The following TOR1AIP2 variants were observed in gnomAD, a reference collection of about 807,000 sequenced individuals.
TOR1AIP2 encodes torsin 1A interacting protein 2, also known as torsin-1A-interacting protein 2.
TOR1AIP2 carries 20 observed loss-of-function variants against 32.6 expected under a neutral mutation model. The ratio of observed to expected loss-of-function variants is 0.61; its 90% confidence interval spans 0.43 to 0.89. TOR1AIP2 has a LOEUF of 0.89. TOR1AIP2 is among the 40% of genes least tolerant of loss of function. The probability of loss-of-function intolerance (pLI) is 0.00; values close to 1 mark genes in which losing one functional copy is unlikely to be tolerated. For synonymous variants in TOR1AIP2, 214 were observed against 210.8 expected, an observed-to-expected ratio of 1.02 and a Z score of -0.13; for missense variants, 456 against 553.8, an observed-to-expected ratio of 0.82 and a Z score of 1.77.
At position 179,844,482 on chromosome 1, in the gene TOR1AIP2, C is replaced by A. The variant is rs1695827689; in HGVS notation, c.*1589G>T. The A allele has an allele frequency of 6.6e-6, 1 of 152,158 alleles. No individual in the cohort carries two copies. Among genetic ancestry groups the A allele is most frequent in the Non-Finnish European group, 1.5e-5 (1 of 68,030 alleles). The allele number at this position is 152,158 out of a possible 1,614,324, so 9.4% of individuals were successfully genotyped here. Reference sequence around the variant, plus strand: ...GAGGCCAAAACCCAGTTGAAATAATCCAGGATTATGGTAATAGTCTATATA... The same window carrying A: ...GAGGCCAAAACCCAGTTGAAATAATACAGGATTATGGTAATAGTCTATATA... On this transcript the variant is annotated 3_prime_UTR_variant, in exon 7 of 7. Coordinates refer to ENST00000609928, the MANE Select transcript of TOR1AIP2 (RefSeq NM_001199260.2).
At chr1:179,850,324 AT>A (rs1215564703) in intron 5 of TOR1AIP2, among the ~76,000 whole-genome samples, 2 of 152,234 alleles carry the variant, frequency 1.3e-5, no homozygotes, top group African/African-American at 4.8e-5. Context: ...TCCTCTTAAC[AT>A]ATAGGCAGAA....
At position 179,843,056 on chromosome 1, in the gene TOR1AIP2, A is replaced by G. The variant is rs1695775782; in HGVS notation, c.*3015T>C. 6.6e-6 allele frequency: 1 copy of G among 151,056 alleles called. No individual in the cohort carries two copies. The allele number at this position is 151,056 out of a possible 1,614,324, so 9.4% of individuals were successfully genotyped here. A position where few individuals can be genotyped will look rare whatever the true frequency, so the allele number is the denominator to read the frequency against. The stretch of plus-strand genomic sequence containing the variant: ...AGAGCAAGACTCCATCTCAAAAAAA[A>G]AAAAAAAAAAAAAAGTATAGAACAA... On this transcript the variant is annotated 3_prime_UTR_variant, in exon 7 of 7. Coordinates refer to ENST00000609928, the MANE Select transcript of TOR1AIP2 (RefSeq NM_001199260.2).
At chr1:179,870,210 C>T (rs1189410552) in intron 2 of TOR1AIP2, among the ~76,000 whole-genome samples, 2 of 152,042 alleles carry the variant, frequency 1.3e-5, no homozygotes, top group African/African-American at 2.4e-5. Flanking sequence ...TCCTGGCTAA[C>T]ACATGGTGAA....
rs776088089 is a variant in TOR1AIP2, at chr1:179,846,410, G to A, written c.1074C>T (p.Gly358=). Reference sequence around the variant, plus strand: ...AGTGGTGTACCACAGCAGCCTTCTGGCCATTCTCAAACCCATAGCTCAGCT... The same window carrying A: ...AGTGGTGTACCACAGCAGCCTTCTGACCATTCTCAAACCCATAGCTCAGCT... ...DLELSYGFEN[G]QKAAVVHHFE... The change falls in exon 7 of 7, where the codon GGC becomes GGT. Residue 358 remains glycine (G), a synonymous_variant. Transcript: ENST00000609928. The A allele has an allele frequency of 3.7e-6, 6 of 1,614,164 alleles. No homozygotes were observed. The South Asian group carries it at 5.5e-5, about 15-fold the overall frequency.
intron 5 of TOR1AIP2, among the ~76,000 whole-genome samples, chr1:179,849,846 G>A (rs190847934): frequency 8.5e-4 from 129 of 152,350 alleles, no homozygotes; most frequent in African/African-American, 2.9e-3. Context: ...CTATGTGCCA[G>A]GTGCCAGAGA....
rs1209047911 is a variant in TOR1AIP2 at position 179,850,096 on chromosome 1, ACAATC to A, written c.553+744_553+748del. Among the ~76,000 whole-genome samples the A allele has an allele frequency of 1.5e-3, 224 of 152,312 alleles. 1 individual carries two copies. Among genetic ancestry groups the A allele is most frequent in the African/African-American group, 5.3e-3 (220 of 41,556 alleles). Reference sequence around the variant, plus strand: ...GCTTATAAAATACAAACCCACACAGACAATCACAGAAGGTGAAAGTTAGAAGAATG... The same window carrying A: ...GCTTATAAAATACAAACCCACACAGAACAGAAGGTGAAAGTTAGAAGAATG... On this transcript the variant is annotated intron_variant, in intron 5 of 6. Transcript: ENST00000609928.
chr1:179,862,466 G>C, intron 3 of TOR1AIP2: 1 of 985,384 alleles, frequency 1.0e-6, no homozygotes, highest in Non-Finnish European at 1.2e-6. Flanking sequence ...AGTTTATTCA[G>C]CAATATAACA....
intron 3 of TOR1AIP2, chr1:179,860,161 C>T (rs1288030816): frequency 3.0e-6 from 3 of 985,200 alleles, no homozygotes; most frequent in Non-Finnish European, 3.6e-6. Context: ...ATAATTCAGC[C>T]ATCAGTTCAA....
At chr1:179,863,378 G>A in intron 3 of TOR1AIP2, 1 of 985,218 alleles carries the variant, frequency 1.0e-6, no homozygotes, top group Non-Finnish European at 1.2e-6. Flanking sequence ...AATTTGCTAG[G>A]GATTTTTGGG....
At chr1:179,860,392 G>T in intron 3 of TOR1AIP2, 1 of 866,680 alleles carries the variant, frequency 1.2e-6, no homozygotes, top group Non-Finnish European at 1.4e-6. Context: ...TGAAGTGGGA[G>T]GATCACTTGA....
In TOR1AIP2 at chr1:179,855,110, GATTAAAGACCTAA is replaced by G. The variant is rs1383200207; in HGVS notation, c.-146-2312_-146-2300del. Among the ~76,000 whole-genome samples the G allele has an allele frequency of 2.6e-5, 4 of 152,096 alleles. No homozygotes were observed. In the South Asian group the frequency reaches 8.3e-4, roughly 32 times the overall value. ...CCTATTCATATAAAAATCAACTCCA[GATTAAAGACCTAA>G]ATGTAAACAGCAAAACTTTTAAACT... On this transcript the variant is annotated intron_variant, in intron 3 of 6. Transcript: ENST00000609928.
intron 2 of TOR1AIP2, among the ~76,000 whole-genome samples, chr1:179,876,888 T>G (rs1647358629): frequency 6.6e-6 from 1 of 152,064 alleles, no homozygotes; most frequent in South Asian, 2.1e-4. Flanking sequence ...AACTTTTTCA[T>G]CAGGTATTAA....
intron 3 of TOR1AIP2, chr1:179,859,129 TGAA>T (rs778677654): frequency 5.8e-4 from 576 of 985,092 alleles, no homozygotes; most frequent in Non-Finnish European, 6.4e-4. Context: ...ATCTTGGCCC[TGAA>T]ACAAGTAGTT....
chr1:179,867,983 A>T (rs2148453075), intron 2 of TOR1AIP2: 1 of 152,312 alleles, frequency 6.6e-6, no homozygotes, highest in South Asian at 2.1e-4. Context: ...CTCATTCTTT[A>T]GCCTTAGAGC....
At chr1:179,847,977 G>A (rs1695975335) in intron 5 of TOR1AIP2, among the ~76,000 whole-genome samples, 1 of 149,288 alleles carries the variant, frequency 6.7e-6, no homozygotes, top group Non-Finnish European at 1.5e-5. Flanking sequence ...AGGTTGCAGT[G>A]AGCCGACATC....
chr1:179,847,636 T>A lies in TOR1AIP2; in HGVS notation c.554A>T (p.Glu185Val). Residue 185 changes from glutamate (E) to valine (V), a missense_variant and splice_region_variant, in exon 6 of 7, where the codon GAG (glutamate) becomes GTG (valine). By Grantham distance (121) the Glu-to-Val change is moderately radical (BLOSUM62 -2). Coordinates refer to ENST00000609928, the MANE Select transcript of TOR1AIP2 (RefSeq NM_001199260.2). ...TGTTTGTTGTGGATGACTTCCAGCC[T>A]CTGGAGAGGAAAAGAATCAATATTA... Reference protein sequence around the residue: ...DTLRRRLLAPEAGSHPQQTQK... With the variant: ...DTLRRRLLAPVAGSHPQQTQK... 6.3e-7 allele frequency: 1 copy of A among 1,593,480 alleles called. No homozygotes were observed. The highest frequency in any genetic ancestry group is 1.1e-5 in the South Asian group (1 of 90,660).
chr1:179,868,483 G>A (rs1218770645), intron 2 of TOR1AIP2: 9 of 152,028 alleles, frequency 5.9e-5, no homozygotes, highest in Non-Finnish European at 1.0e-4. Flanking sequence ...ATCACTTTTG[G>A]AATTGGCATT....
intron 2 of TOR1AIP2, among the ~76,000 whole-genome samples, chr1:179,872,002 G>C (rs1697027480): frequency 6.6e-6 from 1 of 152,188 alleles, no homozygotes; most frequent in Non-Finnish European, 1.5e-5. Flanking sequence ...AGATCACTGA[G>C]AGAAGGCATA....
rs1216588326 is a variant in TOR1AIP2 at position 179,845,542 on chromosome 1, A to G, written c.*529T>C. 2 of 152,564 alleles carry G rather than the reference A, an allele frequency of 1.3e-5. No homozygotes were observed. Among genetic ancestry groups the G allele is most frequent in the Non-Finnish European group, 2.9e-5 (2 of 68,350 alleles). 9.5% of individuals were successfully genotyped at this position (152,564 alleles called of 1,614,324 possible). ...GAATTCTTATTTCTTTTATCATACT[A>G]CTCAAAACTGCAAAATTAATATAAG... On this transcript the variant is annotated 3_prime_UTR_variant, in exon 7 of 7. Transcript: ENST00000609928.
Sources: gnomAD v4.1 joint callset for allele counts (sites outside exome capture counted in the v4.1 genomes callset) on GRCh38, gnomAD v4.1.1 for gene constraint, MANE v1.5 for transcripts, NCBI Gene and HGNC (gene_info 2026-07-23, HGNC 2026-07-21) for gene names.